LYRM4: variants seen among roughly 807,000 people sequenced by gnomAD.
LYRM4 encodes LYR motif-containing protein 4.
A neutral mutation model predicts 11.7 loss-of-function variants in LYRM4; 9 were observed. That is an observed-to-expected ratio of 0.77 (90% CI 0.46 to 1.34). The LOEUF (loss-of-function observed/expected upper bound fraction) is 1.34, where lower values mean the gene tolerates loss of function less well. Ranked by LOEUF, LYRM4 falls within the 40% of genes most tolerant of loss-of-function variation. The pLI is 0.00. For synonymous variants in LYRM4, 42 were observed against 40.4 expected, an observed-to-expected ratio of 1.04 and a Z score of -0.15; for missense variants, 133 against 112.5, an observed-to-expected ratio of 1.18 and a Z score of -0.82.
intron 2 of LYRM4, among the ~76,000 whole-genome samples, chr6:5,195,741 G>A (rs1046536918): frequency 3.9e-5 from 6 of 152,230 alleles, no homozygotes; most frequent in African/African-American, 9.6e-5. Context: ...GTGGGGTCAC[G>A]GTCTCAGAAA....
At chr6:5,141,962 A>C (rs1270123547) in intron 2 of LYRM4, among the ~76,000 whole-genome samples, 1 of 152,174 alleles carries the variant, frequency 6.6e-6, no homozygotes, top group Non-Finnish European at 1.5e-5. Context: ...TTTACCCAGC[A>C]CAAACCCATG....
chr6:5,215,321 C>G (rs940211821), intron 2 of LYRM4, among the ~76,000 whole-genome samples: 1 of 152,194 alleles, frequency 6.6e-6, no homozygotes, highest in Non-Finnish European at 1.5e-5. Flanking sequence ...TAAAATTCAA[C>G]TACTGGTGAC....
At chr6:5,214,667 C>A (rs1762169625) in intron 2 of LYRM4, among the ~76,000 whole-genome samples, 1 of 152,202 alleles carries the variant, frequency 6.6e-6, no homozygotes, top group Non-Finnish European at 1.5e-5. Flanking sequence ...TCCACCTTGC[C>A]ATAGGCTGTT....
chr6:5,133,333 T>A (rs1424062752), intron 2 of LYRM4, among the ~76,000 whole-genome samples: 1 of 152,226 alleles, frequency 6.6e-6, no homozygotes, highest in African/African-American at 2.4e-5. Context: ...CCTGACAGCG[T>A]CTGCTGTCTG....
At chr6:5,221,540 A>C (rs1046169547) in intron 1 of LYRM4, among the ~76,000 whole-genome samples, 3 of 151,834 alleles carry the variant, frequency 2.0e-5, no homozygotes, top group African/African-American at 4.8e-5. Context: ...TAAAAATACA[A>C]AAATTAGCTG....
At chr6:5,033,836 G>A in the LYRM4 span, 1 of 152,352 alleles carries the variant, frequency 6.6e-6, no homozygotes, top group African/African-American at 2.4e-5. Context: ...TCACTAAAAT[G>A]TGTTTGTAAA....
At chr6:5,139,534 T>G (rs1482986659) in intron 2 of LYRM4, among the ~76,000 whole-genome samples, 3 of 152,216 alleles carry the variant, frequency 2.0e-5, no homozygotes, top group African/African-American at 7.2e-5. Flanking sequence ...AACAAGATAT[T>G]GTTAAATTAA....
chr6:5,260,572 T>G, intron 1 of LYRM4, 76 bp downstream of exon 1: 2 of 1,514,874 alleles, frequency 1.3e-6, no homozygotes, highest in Admixed American at 2.0e-5. Flanking sequence ...TCCCCGGGGA[T>G]ATTCCGCGTC....
the LYRM4 span, among the ~76,000 whole-genome samples, chr6:5,046,610 C>G: frequency 1.2e-4 from 19 of 152,172 alleles, no homozygotes; most frequent in Non-Finnish European, 2.6e-4. Flanking sequence ...GCATCTCGCT[C>G]TTTGCACACA....
chr6:5,098,805 G>T (rs2127587130), downstream of LYRM4, among the ~76,000 whole-genome samples: 1 of 152,320 alleles, frequency 6.6e-6, no homozygotes, highest in Admixed American at 6.5e-5. Context: ...CCCTTGCTGA[G>T]GGGAATGGCT....
At chr6:5,064,958 G>T in the LYRM4 span, among the ~76,000 whole-genome samples, 1 of 152,070 alleles carries the variant, frequency 6.6e-6, no homozygotes, top group Admixed American at 6.5e-5. Flanking sequence ...TTTTAATAAT[G>T]TTACGTATCC....
At chr6:5,076,898 T>C in the LYRM4 span, among the ~76,000 whole-genome samples, 2 of 152,198 alleles carry the variant, frequency 1.3e-5, no homozygotes, top group African/African-American at 4.8e-5. Context: ...GCCTCACCTC[T>C]GACAGTAGCA....
intron 1 of LYRM4, among the ~76,000 whole-genome samples, chr6:5,230,049 A>G (rs1763139941): frequency 6.6e-6 from 1 of 152,254 alleles, no homozygotes; most frequent in Admixed American, 6.5e-5. Flanking sequence ...AAGGCCACCT[A>G]TAAAATGAAA....
intron 2 of LYRM4, among the ~76,000 whole-genome samples, chr6:5,177,450 C>T (rs777119665): frequency 1.1e-4 from 17 of 152,204 alleles, no homozygotes; most frequent in Non-Finnish European, 2.2e-4. Flanking sequence ...GCCTGCCTCT[C>T]TAGGGGGCAC....
chr6:5,123,288 G>C (rs1167502502), intron 2 of LYRM4, among the ~76,000 whole-genome samples: 1 of 152,182 alleles, frequency 6.6e-6, no homozygotes, highest in Non-Finnish European at 1.5e-5. Context: ...AAGCCCTCAG[G>C]AAGAGCTGGT....
chr6:5,224,981 G>A (rs1395922794), intron 1 of LYRM4, among the ~76,000 whole-genome samples: 1 of 151,504 alleles, frequency 6.6e-6, no homozygotes, highest in Admixed American at 6.6e-5. Context: ...GGGCGCCATG[G>A]CTCAGGCCTA....
the LYRM4 span, among the ~76,000 whole-genome samples, chr6:5,059,380 A>T: frequency 6.6e-6 from 1 of 151,712 alleles, no homozygotes; most frequent in African/African-American, 2.4e-5. Context: ...GTACATAAGA[A>T]GCACACTCCT....
chr6:5,080,061 A>G, the LYRM4 span, among the ~76,000 whole-genome samples: 1 of 152,228 alleles, frequency 6.6e-6, no homozygotes, highest in African/African-American at 2.4e-5. Flanking sequence ...TAAAACTTGG[A>G]AATCAGGTCC....
chr6:5,085,089 CG>C, the LYRM4 span: 32 of 216,340 alleles, frequency 1.5e-4, no homozygotes, highest in African/African-American at 7.4e-4. Context: ...CGAGCCCCGC[CG>C]GGGGTGCGGG....
Sources: gnomAD v4.1 joint callset for allele counts (sites outside exome capture counted in the v4.1 genomes callset) on GRCh38, gnomAD v4.1.1 for gene constraint, MANE v1.5 for transcripts, NCBI Gene and HGNC (gene_info 2026-07-23, HGNC 2026-07-21) for gene names.